MTFR1: variants seen among roughly 807,000 people sequenced by gnomAD.
MTFR1 encodes the protein mitochondrial fission regulator 1.
In MTFR1, 28 loss-of-function variants were observed where a neutral mutation model predicts 38.8. That is an observed-to-expected ratio of 0.72 (90% confidence interval 0.53 to 0.99). The LOEUF (loss-of-function observed/expected upper bound fraction) is 0.99. Ranked by LOEUF, MTFR1 falls within the 50% of genes least tolerant of loss-of-function variation. The pLI is 0.00. For missense variants in MTFR1, 358 were observed against 395.5 expected (o/e 0.91, Z 0.81); for synonymous variants, 145 against 137.0 (o/e 1.06, Z -0.41).
chr8:65,649,045 CAAT>C (rs1809045682), intron 1 of MTFR1, among the ~76,000 whole-genome samples: 1 of 148,190 alleles, frequency 6.7e-6, no homozygotes, highest in Non-Finnish European at 1.5e-5. Flanking sequence ...AACAATATGA[CAAT>C]AAGAAACAAT....
intron 3 of MTFR1, among the ~76,000 whole-genome samples, chr8:65,759,285 C>T (rs1046347725): frequency 2.0e-5 from 3 of 152,184 alleles, no homozygotes; most frequent in African/African-American, 4.8e-5. Context: ...CAGGACAGTA[C>T]TATCTCCTTA....
At chr8:65,749,422 G>A (rs920844182) in intron 3 of MTFR1, among the ~76,000 whole-genome samples, 3 of 152,064 alleles carry the variant, frequency 2.0e-5, no homozygotes, top group African/African-American at 7.2e-5. Context: ...TTTCATTCCA[G>A]TGAGTAAAAT....
At chr8:65,762,991 ATGTGTGTGTGTGTGTG>A (rs34371328) in intron 3 of MTFR1, among the ~76,000 whole-genome samples, 254 of 138,608 alleles carry the variant, frequency 1.8e-3, no homozygotes, top group African/African-American at 5.1e-3. Flanking sequence ...TATAAAAACA[ATGTGTGTGTGTGTGTG>A]TGTGTGTGTG....
chr8:65,777,325 C>T, the MTFR1 span, among the ~76,000 whole-genome samples: 7 of 151,240 alleles, frequency 4.6e-5, no homozygotes, highest in Non-Finnish European at 1.0e-4. Flanking sequence ...ATGATCCGCC[C>T]GCCTCAGCCT....
Position 65,710,512 on chromosome 8 carries a change from G to GGAA in MTFR1, c.*1470_*1472dup, listed in dbSNP as rs1285222370. On this transcript the variant is annotated 3_prime_UTR_variant, in exon 8 of 8. Transcript: ENST00000262146. The stretch of plus-strand genomic sequence containing the variant: ...AATTTTGGACAGTGCCCCCATATAA[G>GGAA]GAAGTTACTGTTTTAAAATAAAGCA... 6.6e-6 allele frequency: 1 copy of GGAA among 152,554 alleles called. No individual in the cohort carries two copies. Among genetic ancestry groups the GGAA allele is most frequent in the African/African-American group, 2.4e-5 (1 of 41,426 alleles). 9.5% of individuals were successfully genotyped at this position (152,554 alleles called of 1,614,324 possible).
At chr8:65,777,437 A>AT in the MTFR1 span, among the ~76,000 whole-genome samples, 4 of 152,180 alleles carry the variant, frequency 2.6e-5, no homozygotes, top group Non-Finnish European at 5.9e-5. Context: ...AACCAATCTT[A>AT]TATTCCTGGA....
chr8:65,681,713 AAGCAT>A (rs1413336827), intron 2 of MTFR1, among the ~76,000 whole-genome samples: 2 of 76,320 alleles, frequency 2.6e-5, no homozygotes, highest in African/African-American at 1.1e-4. Flanking sequence ...TTTTGTCTTT[AAGCAT>A]AGCATAATGT....
chr8:65,773,851 A>G (rs1476514975), downstream of MTFR1, among the ~76,000 whole-genome samples: 1 of 152,184 alleles, frequency 6.6e-6, no homozygotes. Flanking sequence ...TCTAACAGTT[A>G]TATTTTTCGA....
At chr8:65,713,798 C>T (rs139556476), downstream of MTFR1, among the ~76,000 whole-genome samples, 1,499 of 152,242 alleles carry the variant, frequency 9.8e-3, 21 homozygotes, top group African/African-American at 0.033. Flanking sequence ...ATTCTCCTGC[C>T]TCTGCCTCTC....
intron 2 of MTFR1, among the ~76,000 whole-genome samples, chr8:65,680,119 G>T (rs1001841631): frequency 2.3e-5 from 3 of 128,370 alleles, no homozygotes; most frequent in Non-Finnish European, 3.1e-5. Flanking sequence ...GGTGCCAGGG[G>T]TATTATATAT....
chr8:65,769,740 A>C (rs1373887194), intron 3 of MTFR1, among the ~76,000 whole-genome samples: 2 of 152,184 alleles, frequency 1.3e-5, no homozygotes, highest in Admixed American at 6.5e-5. Context: ...TACTGAAAAT[A>C]CAAATATTAG....
At chr8:65,710,690 T>C (rs1430381342), downstream of MTFR1, 1 of 152,160 alleles carries the variant, frequency 6.6e-6, no homozygotes, top group African/African-American at 2.4e-5. Context: ...GCTCTTAAAA[T>C]CACCTCTCAT....
At chr8:65,708,394 T>C in intron 7 of MTFR1, 1 of 319,038 alleles carries the variant, frequency 3.1e-6, no homozygotes, top group South Asian at 2.8e-5. Context: ...TAACAATGTA[T>C]ATTTTGTGAC....
chr8:65,654,618 C>T (rs908471078), intron 1 of MTFR1, among the ~76,000 whole-genome samples: 1 of 152,088 alleles, frequency 6.6e-6, no homozygotes, highest in Admixed American at 6.6e-5. Context: ...CACTCTGTTA[C>T]CCAGAGTGGA....
intron 3 of MTFR1, among the ~76,000 whole-genome samples, chr8:65,733,353 A>C (rs1806983018): frequency 6.6e-6 from 1 of 152,154 alleles, no homozygotes; most frequent in Non-Finnish European, 1.5e-5. Flanking sequence ...CAGAGAACTT[A>C]TTACCATCTT....
chr8:65,719,483 T>A lies in MTFR1; in HGVS notation c.*48+2T>A. 1.9e-6 allele frequency: 3 copies of A among 1,611,888 alleles called. No homozygotes were observed. In the South Asian group the frequency reaches 3.3e-5, roughly 18 times the overall value. On this transcript the variant is annotated splice_donor_variant, in intron 3 of 3. Transcript: ENST00000521247. LOFTEE classifies it low-confidence loss of function (3UTR_SPLICE). The stretch of plus-strand genomic sequence containing the variant: ...TTCTGTAAATAAAGGCTCCACTAGG[T>A]AAGTCATAAAACCTTGAGAAAATAG...
At chr8:65,766,190 C>A (rs1278926527) in intron 3 of MTFR1, among the ~76,000 whole-genome samples, 2 of 152,242 alleles carry the variant, frequency 1.3e-5, no homozygotes, top group Non-Finnish European at 2.9e-5. Context: ...AGGTGATCCA[C>A]CCGCCTTGGC....
chr8:65,732,448 A>G (rs897749118), intron 3 of MTFR1, among the ~76,000 whole-genome samples: 7 of 152,238 alleles, frequency 4.6e-5, no homozygotes, highest in African/African-American at 1.7e-4. Context: ...GGCATGTGGC[A>G]GATGCTCAAA....
chr8:65,775,297 A>T (rs1809228064), downstream of MTFR1, among the ~76,000 whole-genome samples: 1 of 152,162 alleles, frequency 6.6e-6, no homozygotes. Flanking sequence ...TATCTTTAAC[A>T]ACTACTTTAT....
Sources: allele counts gnomAD v4.1 joint callset (sites outside exome capture counted in the v4.1 genomes callset), GRCh38; gene constraint gnomAD v4.1.1; transcripts MANE v1.5; gene names NCBI Gene and HGNC (gene_info 2026-07-23, HGNC 2026-07-21).